The following KCNN2 variants were observed in gnomAD, a reference collection of about 807,000 sequenced individuals.
The protein encoded by KCNN2 is small conductance calcium-activated potassium channel protein 2.
Under a neutral mutation model 55.5 loss-of-function variants are expected in KCNN2, and 24 were observed. The observed-to-expected ratio is 0.43, with a 90% CI of 0.31 to 0.61. The LOEUF (loss-of-function observed/expected upper bound fraction) is 0.61, where lower values mean the gene tolerates loss of function less well. KCNN2 is among the 20% of genes least tolerant of loss of function. The probability of loss-of-function intolerance (pLI) is 0.08; values close to 1 mark genes in which losing one functional copy is unlikely to be tolerated. For synonymous variants in KCNN2, 431 were observed against 336.1 expected (o/e 1.28, Z -3.09); for missense variants, 754 against 853.6 (o/e 0.88, Z 1.45).
At position 114,371,171 on chromosome 5, in the gene KCNN2, T is replaced by C. The variant is rs538572227; in HGVS notation, c.1218+7170T>C. On this transcript the variant is annotated intron_variant, in intron 2 of 7. Transcript: ENST00000673685. ...TGTACTGAGAAGGGAAGACTCAAAT[T>C]GAGGAGCAGGGTGTAGAATCAGGAA... is the stretch of plus-strand genomic sequence containing the variant. 1.3e-4 allele frequency among the ~76,000 whole-genome samples: 20 copies of C among 152,250 alleles called. No homozygotes were observed. In the South Asian group the frequency reaches 2.7e-3, roughly 21 times the overall value.
At chr5:114,139,562 T>C (rs933579246) in intron 1 of KCNN2, among the ~76,000 whole-genome samples, 2 of 149,944 alleles carry the variant, frequency 1.3e-5, no homozygotes, top group African/African-American at 4.9e-5. Context: ...TGAATAGATA[T>C]TATAATAATA....
chr5:114,105,577 A>T (rs182014887), intron 1 of KCNN2, among the ~76,000 whole-genome samples: 34 of 152,254 alleles, frequency 2.2e-4, no homozygotes, highest in Admixed American at 2.2e-3. Context: ...TGTGTATACA[A>T]TACTGCATTC....
chr5:114,354,647 C>T (rs952641827), intron 2 of KCNN2, among the ~76,000 whole-genome samples: 1 of 152,010 alleles, frequency 6.6e-6, no homozygotes, highest in South Asian at 2.1e-4. Context: ...GTTATATGAG[C>T]TAGGAAGTAC....
intron 2 of KCNN2, among the ~76,000 whole-genome samples, chr5:114,233,580 G>T (rs562634562): frequency 1.3e-5 from 2 of 152,062 alleles, no homozygotes; most frequent in African/African-American, 4.8e-5. Context: ...GGTCTTTTGT[G>T]GGAAACCGCT....
At chr5:114,470,066 T>TACTC (rs1324017298) in intron 4 of KCNN2, among the ~76,000 whole-genome samples, 4 of 152,060 alleles carry the variant, frequency 2.6e-5, no homozygotes, top group Admixed American at 6.6e-5. Flanking sequence ...GCAACAGAGG[T>TACTC]ACTCATTTTT....
intron 1 of KCNN2, among the ~76,000 whole-genome samples, chr5:114,153,513 C>G (rs932156967): frequency 2.0e-5 from 3 of 152,174 alleles, no homozygotes; most frequent in Non-Finnish European, 4.4e-5. Flanking sequence ...GTATCACTTA[C>G]AGCAATAGCA....
At chr5:114,382,907 C>T (rs1299839967) in intron 2 of KCNN2, among the ~76,000 whole-genome samples, 1 of 152,136 alleles carries the variant, frequency 6.6e-6, no homozygotes, top group Non-Finnish European at 1.5e-5. Flanking sequence ...TAATATCACG[C>T]CTAGTTTACA....
chr5:114,145,561 T>G (rs560292270), intron 1 of KCNN2, among the ~76,000 whole-genome samples: 12 of 152,110 alleles, frequency 7.9e-5, no homozygotes, highest in Non-Finnish European at 1.5e-4. Flanking sequence ...GAGATATCCA[T>G]TAGTGGGTCC....
chr5:114,087,588 G>T (rs988483243), intron 1 of KCNN2, among the ~76,000 whole-genome samples: 1 of 151,932 alleles, frequency 6.6e-6, no homozygotes, highest in Non-Finnish European at 1.5e-5. Context: ...GATGGCTGTA[G>T]GTGTCATAGT....
At chr5:114,267,339 T>C (rs899817535) in intron 2 of KCNN2, among the ~76,000 whole-genome samples, 1 of 152,182 alleles carries the variant, frequency 6.6e-6, no homozygotes, top group African/African-American at 2.4e-5. Context: ...CTTTTTCGTG[T>C]GAGCATCTCT....
intron 2 of KCNN2, among the ~76,000 whole-genome samples, chr5:114,354,784 C>T (rs565047668): frequency 6.6e-6 from 1 of 152,190 alleles, no homozygotes; most frequent in Admixed American, 6.5e-5. Context: ...TAAGTTTTGT[C>T]ATTAAATTTG....
At chr5:114,490,695 C>T (rs1343354136) in intron 6 of KCNN2, 1 of 397,964 alleles carries the variant, frequency 2.5e-6, no homozygotes, top group Non-Finnish European at 4.4e-6. Flanking sequence ...AAATAGAGCT[C>T]GGAAGTAAGT....
intron 1 of KCNN2, among the ~76,000 whole-genome samples, chr5:114,137,796 A>G (rs905283986): frequency 6.6e-6 from 1 of 152,282 alleles, no homozygotes; most frequent in East Asian, 1.9e-4. Flanking sequence ...AACTGGATAA[A>G]TAGTGTAGAA....
intron 4 of KCNN2, among the ~76,000 whole-genome samples, chr5:114,469,233 A>G (rs1761599251): frequency 6.6e-6 from 1 of 152,130 alleles, no homozygotes; most frequent in South Asian, 2.1e-4. Context: ...TACCTTTTCT[A>G]AAGCAAAGTC....
intron 2 of KCNN2, among the ~76,000 whole-genome samples, chr5:114,330,046 A>G (rs559411319): frequency 1.1e-3 from 165 of 152,286 alleles, no homozygotes; most frequent in African/African-American, 3.8e-3. Context: ...TGGCTCTCTT[A>G]GACACCAAAG....
At chr5:114,266,236 C>T (rs1755205370) in intron 2 of KCNN2, among the ~76,000 whole-genome samples, 1 of 152,016 alleles carries the variant, frequency 6.6e-6, no homozygotes, top group Non-Finnish European at 1.5e-5. Flanking sequence ...CAGTTCAGTC[C>T]AGCCACATTT....
chr5:114,456,432 T>C (rs1760931735), intron 3 of KCNN2, among the ~76,000 whole-genome samples: 1 of 152,200 alleles, frequency 6.6e-6, no homozygotes, highest in African/African-American at 2.4e-5. Flanking sequence ...TTATTACTGA[T>C]CACTGACAAT....
intron 2 of KCNN2, among the ~76,000 whole-genome samples, chr5:114,295,001 C>T (rs1755976416): frequency 1.3e-5 from 2 of 152,172 alleles, no homozygotes; most frequent in South Asian, 2.1e-4. Context: ...GCAACCCCTG[C>T]CTTTTTTTGT....
At chr5:114,416,223 C>T (rs1447618866) in intron 3 of KCNN2, among the ~76,000 whole-genome samples, 2 of 152,026 alleles carry the variant, frequency 1.3e-5, no homozygotes, top group Non-Finnish European at 2.9e-5. Context: ...TTAAGTGTTC[C>T]TGACTTGCCT....
Sources: allele counts gnomAD v4.1 joint callset (sites outside exome capture counted in the v4.1 genomes callset), GRCh38; gene constraint gnomAD v4.1.1; transcripts MANE v1.5; gene names NCBI Gene and HGNC (gene_info 2026-07-23, HGNC 2026-07-21).